Variants in SUGCT observed in about 807,000 individuals in gnomAD.
SUGCT encodes the protein succinyl-CoA:glutarate-CoA transferase.
In SUGCT, 41 loss-of-function variants were observed where a neutral mutation model predicts 55.0. The observed-to-expected ratio is 0.74, with a 90% CI of 0.58 to 0.97. The LOEUF (loss-of-function observed/expected upper bound fraction) is 0.97. SUGCT is among the 50% of genes least tolerant of loss of function. SUGCT has a pLI of 0.00. For synonymous variants in SUGCT, 187 were observed against 200.4 expected (o/e 0.93, Z 0.56); for missense variants, 568 against 547.8 (o/e 1.04, Z -0.37).
chr7:40,952,948 G>A, the SUGCT span, among the ~76,000 whole-genome samples: 5 of 152,074 alleles, frequency 3.3e-5, no homozygotes, highest in Non-Finnish European at 5.9e-5. Context: ...TGCTCTTCTC[G>A]AGGAGTATCT....
At chr7:40,774,953 C>T (rs1330827843) in intron 13 of SUGCT, among the ~76,000 whole-genome samples, 1 of 152,064 alleles carries the variant, frequency 6.6e-6, no homozygotes, top group African/African-American at 2.4e-5. Context: ...ACCAAAAAAA[C>T]CTCTAAATGA....
chr7:40,813,732 T>C (rs1452138996), intron 13 of SUGCT, among the ~76,000 whole-genome samples: 8 of 152,210 alleles, frequency 5.3e-5, no homozygotes, highest in Admixed American at 5.2e-4. Flanking sequence ...AGGTTAATAT[T>C]GATAGATGAG....
In SUGCT at chr7:40,480,655, G is replaced by A. The variant is rs186979815; in HGVS notation, c.987-15629G>A. Among the ~76,000 whole-genome samples the A allele has an allele frequency of 4.8e-3, 726 of 152,172 alleles. 12 individuals carry two copies. The highest frequency in any genetic ancestry group is 0.022 in the Admixed American group (341 of 15,278). ...TTCTTCTAATCCATGAACATAGGGT[G>A]TATTTCTGTATCTTCTTTAATATTC... On this transcript the variant is annotated intron_variant, in intron 11 of 13. Transcript: ENST00000335693.
At chr7:40,736,113 A>C (rs1256338620) in intron 12 of SUGCT, among the ~76,000 whole-genome samples, 2 of 151,094 alleles carry the variant, frequency 1.3e-5, no homozygotes, top group African/African-American at 4.9e-5. Flanking sequence ...TAGGAAATAC[A>C]AGAGAGGCAG....
At chr7:40,497,699 C>T (rs544930228) in intron 12 of SUGCT, among the ~76,000 whole-genome samples, 2 of 152,096 alleles carry the variant, frequency 1.3e-5, no homozygotes, top group South Asian at 2.1e-4. Flanking sequence ...TTGAAGCTGT[C>T]GTGTATTGAG....
intron 7 of SUGCT, among the ~76,000 whole-genome samples, chr7:40,249,424 CTATA>C (rs1484916107): frequency 3.6e-5 from 5 of 139,452 alleles, no homozygotes; most frequent in Non-Finnish European, 6.1e-5. Context: ...TAATATAAGA[CTATA>C]TAATGTATTC....
At chr7:40,846,198 C>T (rs1001369059) in intron 13 of SUGCT, among the ~76,000 whole-genome samples, 2 of 152,052 alleles carry the variant, frequency 1.3e-5, no homozygotes, top group African/African-American at 4.8e-5. Context: ...GAAATCTAAC[C>T]AAACAAAGTC....
chr7:40,149,842 T>G (rs1197349610), intron 1 of SUGCT, among the ~76,000 whole-genome samples: 3 of 152,144 alleles, frequency 2.0e-5, no homozygotes, highest in Non-Finnish European at 4.4e-5. Flanking sequence ...TTGCTTGAAC[T>G]TGGGAGTCGG....
At chr7:40,279,822 G>C (rs945825672) in intron 8 of SUGCT, among the ~76,000 whole-genome samples, 1 of 151,932 alleles carries the variant, frequency 6.6e-6, no homozygotes, top group African/African-American at 2.4e-5. Flanking sequence ...TTTCAAAAAA[G>C]CGTAACAGGA....
intron 12 of SUGCT, among the ~76,000 whole-genome samples, chr7:40,515,989 T>G (rs1793209606): frequency 6.6e-6 from 1 of 152,224 alleles, no homozygotes; most frequent in South Asian, 2.1e-4. Context: ...CTTTATTTTT[T>G]TCCATCCCTC....
chr7:40,874,189 G>T, the SUGCT span, among the ~76,000 whole-genome samples: 2,090 of 152,290 alleles, frequency 0.014, 144 homozygotes, highest in Admixed American at 0.093. Flanking sequence ...AGTCAAGAGG[G>T]TAATTTTTCT....
chr7:40,145,878 G>T (rs576853778), intron 1 of SUGCT, among the ~76,000 whole-genome samples: 7 of 152,134 alleles, frequency 4.6e-5, no homozygotes, highest in Admixed American at 3.3e-4. Flanking sequence ...AATACCCATT[G>T]TGTCTTTTTC....
intron 5 of SUGCT, among the ~76,000 whole-genome samples, chr7:40,192,107 CAAAAAAAAAAAAA>C (rs34662909): frequency 1.6e-5 from 1 of 61,368 alleles, no homozygotes; most frequent in Admixed American, 2.0e-4. Flanking sequence ...GATTCCATCT[CAAAAAAAAAAAAA>C]AAAAAAAAAG....
the SUGCT span, among the ~76,000 whole-genome samples, chr7:40,890,319 T>C: frequency 8.0e-6 from 1 of 124,334 alleles, no homozygotes; most frequent in African/African-American, 3.0e-5. Context: ...ATTTATGTTA[T>C]ATAATATAAA....
At chr7:40,272,160 A>G (rs1169922426) in intron 7 of SUGCT, among the ~76,000 whole-genome samples, 1 of 34,690 alleles carries the variant, frequency 2.9e-5, no homozygotes, top group Non-Finnish European at 5.1e-5. Context: ...ATATATATAT[A>G]TATATATATA....
chr7:40,689,518 C>T (rs530777889), intron 12 of SUGCT, among the ~76,000 whole-genome samples: 1 of 152,254 alleles, frequency 6.6e-6, no homozygotes, highest in African/African-American at 2.4e-5. Flanking sequence ...CAGACAGAGG[C>T]TTTCTACTCC....
At chr7:40,843,709 C>A (rs1793405629) in intron 13 of SUGCT, among the ~76,000 whole-genome samples, 1 of 151,946 alleles carries the variant, frequency 6.6e-6, no homozygotes, top group African/African-American at 2.4e-5. Flanking sequence ...CCAGAGGGAG[C>A]AGTGCAAGAG....
At chr7:40,212,011 C>T (rs1270512109) in intron 6 of SUGCT, among the ~76,000 whole-genome samples, 1 of 151,988 alleles carries the variant, frequency 6.6e-6, no homozygotes, top group East Asian at 1.9e-4. Context: ...TGGTGTTATC[C>T]CCACCTTTAG....
At chr7:40,954,408 G>A in the SUGCT span, among the ~76,000 whole-genome samples, 5 of 152,280 alleles carry the variant, frequency 3.3e-5, no homozygotes, top group South Asian at 8.3e-4. Flanking sequence ...CCCGGGTGAG[G>A]CGATGCCTTG....
Sources: allele counts gnomAD v4.1 joint callset (sites outside exome capture counted in the v4.1 genomes callset), GRCh38; gene constraint gnomAD v4.1.1; transcripts MANE v1.5; gene names NCBI Gene and HGNC (gene_info 2026-07-23, HGNC 2026-07-21).